The following GPHN variants were observed in gnomAD, a reference collection of about 807,000 sequenced individuals.
GPHN encodes the protein gephyrin.
Under a neutral mutation model 95.5 loss-of-function variants are expected in GPHN, and 17 were observed. The ratio of observed to expected loss-of-function variants is 0.18; its 90% CI spans 0.12 to 0.27. The LOEUF is 0.27. Ranked by LOEUF, GPHN falls within the 10% of genes least tolerant of loss-of-function variation. The pLI is 1.00. For synonymous variants in GPHN, 320 were observed against 322.5 expected, an observed-to-expected ratio of 0.99 and a Z score of 0.08; for missense variants, 660 against 978.1, an observed-to-expected ratio of 0.67 and a Z score of 4.34.
the GPHN span, among the ~76,000 whole-genome samples, chr14:67,578,916 A>G: frequency 5.3e-5 from 8 of 152,210 alleles, no homozygotes; most frequent in African/African-American, 7.2e-5. The surrounding 1 kb of genome is among the most constrained non-coding windows in gnomAD (Gnocchi z 5.0). Context: ...TTCTGTTGTT[A>G]TGTCCTCTGG....
At chr14:66,757,183 A>G (rs1399222613) in intron 2 of GPHN, among the ~76,000 whole-genome samples, 1 of 152,214 alleles carries the variant, frequency 6.6e-6, no homozygotes, top group Non-Finnish European at 1.5e-5. Flanking sequence ...ACTCATTGGT[A>G]TATTTTATTT....
chr14:66,636,636 G>T (rs1357016974), intron 1 of GPHN, among the ~76,000 whole-genome samples: 2 of 152,082 alleles, frequency 1.3e-5, no homozygotes, highest in African/African-American at 4.8e-5. Flanking sequence ...TCCATGATAA[G>T]TGTTCAATGT....
intron 9 of GPHN, among the ~76,000 whole-genome samples, chr14:66,996,848 T>C (rs760956492): frequency 2.0e-5 from 3 of 152,160 alleles, no homozygotes; most frequent in Non-Finnish European, 4.4e-5. Context: ...AGTAAAATAT[T>C]TTACATGAAA....
intron 1 of GPHN, among the ~76,000 whole-genome samples, chr14:66,634,777 C>T (rs1200051116): frequency 6.6e-6 from 1 of 152,056 alleles, no homozygotes; most frequent in Non-Finnish European, 1.5e-5. Flanking sequence ...TATTAAGAGC[C>T]TTTCTTAAGC....
chr14:67,412,033 GC>G, the GPHN span: 1 of 1,557,828 alleles, frequency 6.4e-7, no homozygotes, highest in Non-Finnish European at 8.7e-7. Flanking sequence ...TGACCAGGAA[GC>G]CCTCCTTGAG....
At chr14:67,243,193 C>CT in the GPHN span, among the ~76,000 whole-genome samples, 3,165 of 145,942 alleles carry the variant, frequency 0.022, 41 homozygotes, top group Non-Finnish European at 0.033. Context: ...ATTGTCTTTT[C>CT]TTTTTTTTTT....
In GPHN at chr14:66,683,356, A is replaced by T. The variant is rs377692418; in HGVS notation, c.143+2171A>T. Reference sequence around the variant, plus strand: ...TATATATATATATATATATATATATATATATATATATATATATATATATGT... The same window carrying T: ...TATATATATATATATATATATATATTTATATATATATATATATATATATGT... On this transcript the variant is annotated intron_variant, in intron 2 of 22. Transcript: ENST00000478722. Among the ~76,000 whole-genome samples the T allele has an allele frequency of 1.3e-4, 6 of 44,632 alleles. No homozygotes were observed. The East Asian group carries it at 2.2e-3, about 17-fold the overall frequency. 29.3% of individuals were successfully genotyped at this position (44,632 alleles called of 152,430 possible). A position where few individuals can be genotyped will look rare whatever the true frequency, so the allele number is the denominator to read the frequency against.
At chr14:67,209,802 A>G in the GPHN span, among the ~76,000 whole-genome samples, 1 of 147,934 alleles carries the variant, frequency 6.8e-6, no homozygotes, top group Non-Finnish European at 1.5e-5. Flanking sequence ...TGGGTGACAG[A>G]GCAAGACTCC....
At chr14:67,109,380 C>T (rs1018955452) in intron 13 of GPHN, among the ~76,000 whole-genome samples, 5 of 152,200 alleles carry the variant, frequency 3.3e-5, no homozygotes, top group African/African-American at 1.2e-4. Context: ...GATCACTTCT[C>T]TATCAGATCA....
intron 1 of GPHN, among the ~76,000 whole-genome samples, chr14:66,520,167 A>G (rs939681068): frequency 6.6e-6 from 1 of 152,158 alleles, no homozygotes; most frequent in East Asian, 1.9e-4. Flanking sequence ...CAGATGTTGT[A>G]GATAATAATA....
chr14:66,602,100 T>C (rs1354540204), intron 1 of GPHN, among the ~76,000 whole-genome samples: 1 of 151,924 alleles, frequency 6.6e-6, no homozygotes, highest in Non-Finnish European at 1.5e-5. Context: ...GCAAAGTTCC[T>C]ATCACATAGA....
At chr14:66,554,876 G>A (rs182779547) in intron 1 of GPHN, among the ~76,000 whole-genome samples, 23 of 152,224 alleles carry the variant, frequency 1.5e-4, no homozygotes, top group South Asian at 1.0e-3. Flanking sequence ...GGACTGTTAG[G>A]CCAAGAATGT....
the GPHN span, chr14:67,569,874 C>T: frequency 8.2e-5 from 103 of 1,253,688 alleles, 1 homozygote; most frequent in Middle Eastern, 2.4e-3. Flanking sequence ...CACACCCCTT[C>T]CTGGGTTATG....
chr14:66,531,328 A>G (rs1268876588), intron 1 of GPHN, among the ~76,000 whole-genome samples: 2 of 152,088 alleles, frequency 1.3e-5, no homozygotes, highest in Admixed American at 6.5e-5. Flanking sequence ...AAAAATTGCC[A>G]GGAGTCTGAG....
chr14:67,348,902 A>T, the GPHN span: 1 of 816,492 alleles, frequency 1.2e-6, no homozygotes, highest in Non-Finnish European at 1.9e-6. Context: ...TAATGATTTT[A>T]ACATGTAAAG....
chr14:66,739,072 AAAG>A (rs1413052810), intron 2 of GPHN, among the ~76,000 whole-genome samples: 1 of 152,078 alleles, frequency 6.6e-6, no homozygotes, highest in Non-Finnish European at 1.5e-5. Flanking sequence ...TGGAAACTGG[AAAG>A]AAGAATACCT....
At chr14:67,485,233 G>A in the GPHN span, among the ~76,000 whole-genome samples, 3 of 152,276 alleles carry the variant, frequency 2.0e-5, no homozygotes, top group African/African-American at 7.2e-5. Context: ...GAGGAACGAC[G>A]TTCCCACAGA....
At chr14:66,698,301 T>C (rs1394809219) in intron 2 of GPHN, among the ~76,000 whole-genome samples, 1 of 152,190 alleles carries the variant, frequency 6.6e-6, no homozygotes, top group Non-Finnish European at 1.5e-5. Context: ...AGATTTGTCC[T>C]CTGATTTGCT....
the GPHN span, among the ~76,000 whole-genome samples, chr14:67,249,751 T>TGG: frequency 1.3e-5 from 2 of 152,232 alleles, no homozygotes; most frequent in African/African-American, 4.8e-5. Context: ...AGTTTTACAT[T>TGG]GTCACAGAAA....
Sources: allele counts gnomAD v4.1 joint callset (sites outside exome capture counted in the v4.1 genomes callset), GRCh38; gene constraint gnomAD v4.1.1; non-coding constraint Gnocchi (gnomAD v3.1); transcripts MANE v1.5; gene names NCBI Gene and HGNC (gene_info 2026-07-23, HGNC 2026-07-21).